CATSPERT: variants seen among roughly 807,000 people sequenced by gnomAD.
The protein encoded by CATSPERT is cation channel sperm-associated targeting subunit tau.
At chr2:201,511,318 G>A in the CATSPERT span, among the ~76,000 whole-genome samples, 18 of 152,194 alleles carry the variant, frequency 1.2e-4, no homozygotes, top group Non-Finnish European at 1.5e-4. Flanking sequence ...AATACTTACC[G>A]TTTAGCAAGT....
the CATSPERT span, among the ~76,000 whole-genome samples, chr2:201,527,631 CAA>C: frequency 6.6e-6 from 1 of 152,078 alleles, no homozygotes; most frequent in African/African-American, 2.4e-5. Flanking sequence ...TGATTTTTGA[CAA>C]AGTCGACAAT....
the CATSPERT span, among the ~76,000 whole-genome samples, chr2:201,542,266 C>A: frequency 6.6e-6 from 1 of 152,058 alleles, no homozygotes; most frequent in Non-Finnish European, 1.5e-5. Flanking sequence ...TTTGTTTATT[C>A]ATTCATCTAT....
At chr2:201,490,698 G>A in the CATSPERT span, among the ~76,000 whole-genome samples, 1 of 152,124 alleles carries the variant, frequency 6.6e-6, no homozygotes. Context: ...AATCAGGTGA[G>A]GTGATATTTA....
the CATSPERT span, chr2:201,536,294 G>C: frequency 6.2e-7 from 1 of 1,602,442 alleles, no homozygotes; most frequent in Non-Finnish European, 8.5e-7. Flanking sequence ...GTATAGTCAG[G>C]CCTTTCTCAG....
chr2:201,543,489 A>G, the CATSPERT span, among the ~76,000 whole-genome samples: 3 of 152,136 alleles, frequency 2.0e-5, no homozygotes, highest in African/African-American at 7.2e-5. Context: ...TGAACACAGG[A>G]TATTTTTCCC....
chr2:201,494,490 T>G, the CATSPERT span: 2 of 1,537,004 alleles, frequency 1.3e-6, no homozygotes, highest in Non-Finnish European at 1.7e-6. Flanking sequence ...AACCCTTTAT[T>G]GTATTGATAG....
chr2:201,497,201 C>T, the CATSPERT span, among the ~76,000 whole-genome samples: 1 of 152,168 alleles, frequency 6.6e-6, no homozygotes, highest in African/African-American at 2.4e-5. Flanking sequence ...TTCTTAAAGC[C>T]TCAATGGCTT....
the CATSPERT span, among the ~76,000 whole-genome samples, chr2:201,614,739 G>C: frequency 6.6e-6 from 1 of 152,210 alleles, no homozygotes; most frequent in Middle Eastern, 3.4e-3. Context: ...TGGGCTAAAT[G>C]GTCCAATTAA....
the CATSPERT span, chr2:201,493,203 A>G: frequency 6.5e-7 from 1 of 1,535,118 alleles, no homozygotes; most frequent in Non-Finnish European, 8.7e-7. Flanking sequence ...CTAAAGTAGA[A>G]CTGAGATCAT....
At chr2:201,595,583 C>A in the CATSPERT span, among the ~76,000 whole-genome samples, 1 of 152,116 alleles carries the variant, frequency 6.6e-6, no homozygotes, top group African/African-American at 2.4e-5. Flanking sequence ...TGGGGAGTGC[C>A]TCCCAGTTAG....
the CATSPERT span, among the ~76,000 whole-genome samples, chr2:201,591,688 A>G: frequency 9.9e-5 from 15 of 152,274 alleles, no homozygotes; most frequent in East Asian, 5.8e-4. Flanking sequence ...TTCTCCTTGA[A>G]GAGGTCCTTC....
the CATSPERT span, among the ~76,000 whole-genome samples, chr2:201,571,448 A>AT: frequency 2.0e-5 from 3 of 152,164 alleles, no homozygotes; most frequent in Non-Finnish European, 2.9e-5. Context: ...AGCATACTAT[A>AT]TTTTAAGTTA....
chr2:201,618,907 A>G, the CATSPERT span: 1 of 1,613,696 alleles, frequency 6.2e-7, no homozygotes, highest in Non-Finnish European at 8.5e-7. Flanking sequence ...CACGTTCAGC[A>G]GCCGGTGCCC....
chr2:201,605,824 T>C, the CATSPERT span, among the ~76,000 whole-genome samples: 2 of 152,180 alleles, frequency 1.3e-5, no homozygotes, highest in Non-Finnish European at 2.9e-5. Flanking sequence ...CATTCATTTA[T>C]TCAACAATTA....
At chr2:201,581,548 G>GTATATATATATA in the CATSPERT span, among the ~76,000 whole-genome samples, 5 of 9,654 alleles carry the variant, frequency 5.2e-4, no homozygotes, top group Non-Finnish European at 6.7e-4. Context: ...AAAAATGTGT[G>GTATATATATATA]TATATATATA....
chr2:201,535,205 T>C, the CATSPERT span: 1 of 984,722 alleles, frequency 1.0e-6, no homozygotes. Context: ...TGACCTAGTC[T>C]GATCTACCAT....
chr2:201,611,982 A>C, the CATSPERT span, among the ~76,000 whole-genome samples: 2 of 152,186 alleles, frequency 1.3e-5, no homozygotes, highest in Non-Finnish European at 2.9e-5. Flanking sequence ...TAACCTCAGG[A>C]ATGAAAACAG....
chr2:201,619,105 C>G, the CATSPERT span: 1 of 1,614,190 alleles, frequency 6.2e-7, no homozygotes. Context: ...GCTGAAAGGC[C>G]TATTTGTCTC....
At chr2:201,507,248 A>G in the CATSPERT span, among the ~76,000 whole-genome samples, 35 of 152,366 alleles carry the variant, frequency 2.3e-4, no homozygotes, top group South Asian at 4.1e-4. Flanking sequence ...CCTGAAAAAT[A>G]TAATCTTAAA....
Sources: gnomAD v4.1 joint callset for allele counts (sites outside exome capture counted in the v4.1 genomes callset) on GRCh38, gnomAD v4.1.1 for gene constraint, MANE v1.5 for transcripts, NCBI Gene and HGNC (gene_info 2026-07-23, HGNC 2026-07-21) for gene names.